ATP8A1: variants seen among roughly 807,000 people sequenced by gnomAD.
ATP8A1 encodes phospholipid-transporting ATPase IA.
ATP8A1 carries 90 observed loss-of-function variants against 177.7 expected under a neutral mutation model. The observed-to-expected ratio is 0.51, with a 90% CI of 0.43 to 0.60. ATP8A1 has a LOEUF of 0.60. Among genes scored for constraint, ATP8A1 ranks in the 20% least tolerant of loss-of-function variants. ATP8A1 has a pLI of 0.00. For missense variants in ATP8A1, 1,072 were observed against 1,392.8 expected (o/e 0.77, Z 3.67); for synonymous variants, 493 against 485.9 (o/e 1.01, Z -0.19).
At chr4:42,656,732 T>C (rs114952463) in intron 1 of ATP8A1, 93 bp downstream of exon 1, 16 of 1,325,788 alleles carry the variant, frequency 1.2e-5, no homozygotes, top group Admixed American at 8.0e-5. Context: ...GGGGAAGAGG[T>C]AGGATGCGGT....
rs12503784 is a variant in ATP8A1, at chr4:42,657,011, T to A, written c.-138A>T. The A allele has an allele frequency of 1.2e-4, 113 of 906,496 alleles. No homozygotes were observed. In the South Asian group the frequency reaches 2.2e-3, roughly 18 times the overall value. 56.2% of individuals were successfully genotyped at this position (906,496 alleles called of 1,614,324 possible). Reference sequence around the variant, plus strand: ...CGCCGCCGCCCACCTAGGGCAGAGCTGCCGCCGGGCGCGGCCCCCGCACGC... The same window carrying A: ...CGCCGCCGCCCACCTAGGGCAGAGCAGCCGCCGGGCGCGGCCCCCGCACGC... On this transcript the variant is annotated 5_prime_UTR_variant, in exon 1 of 37. Coordinates refer to ENST00000381668, the MANE Select transcript of ATP8A1 (RefSeq NM_006095.2).
intron 20 of ATP8A1, among the ~76,000 whole-genome samples, chr4:42,532,570 A>G (rs1459302537): frequency 2.0e-5 from 3 of 152,188 alleles, no homozygotes; most frequent in Non-Finnish European, 4.4e-5. Flanking sequence ...TAAAATGACC[A>G]TATTGCCCAA....
chr4:42,511,885 A>G (rs1725041509), intron 22 of ATP8A1, among the ~76,000 whole-genome samples: 1 of 152,198 alleles, frequency 6.6e-6, no homozygotes, highest in African/African-American at 2.4e-5. Context: ...ACTCGTATCA[A>G]CCTAGGCTTC....
Position 42,485,500 on chromosome 4 carries a change from A to G in ATP8A1, c.2320T>C (p.Cys774Arg). The G allele has an allele frequency of 5.0e-6, 8 of 1,608,714 alleles. No homozygotes were observed. The highest frequency in any genetic ancestry group is 6.8e-6 in the Non-Finnish European group (8 of 1,177,804). ...LALSCKAVIC[C>R]RVSPLQKSEV... ...ACAATGATAAGGAGAACTTACCGAC[A>G]GCAAATGACAGCTTTGCATGACAAA... is the stretch of plus-strand genomic sequence containing the variant. The change falls in exon 25 of 37, where the codon TGT becomes CGT. Residue 774 changes from cysteine to arginine, a missense_variant. Around this residue, in one of 5 missense-constraint regions of ATP8A1, gnomAD observed 4 missense variants for 17.2 expected, o/e 0.23. Coordinates refer to ENST00000381668, the MANE Select transcript of ATP8A1 (RefSeq NM_006095.2).
intron 14 of ATP8A1, among the ~76,000 whole-genome samples, 160 bp downstream of exon 14, chr4:42,574,459 C>G (rs1043958877): frequency 2.6e-5 from 4 of 152,100 alleles, no homozygotes; most frequent in Non-Finnish European, 4.4e-5. Flanking sequence ...AAACTAGAAA[C>G]GCGAAATATA....
chr4:42,519,195 C>T (rs1435624987), intron 22 of ATP8A1, among the ~76,000 whole-genome samples: 3 of 152,004 alleles, frequency 2.0e-5, no homozygotes, highest in Admixed American at 6.6e-5. Context: ...TCAGGCAATT[C>T]TCCCTGCCTT....
intron 1 of ATP8A1, among the ~76,000 whole-genome samples, chr4:42,654,898 T>TAGGAAAGGTAGGACTATATTTC (rs1741469098): frequency 1.3e-5 from 2 of 152,012 alleles, no homozygotes; most frequent in African/African-American, 4.8e-5. Flanking sequence ...GACTATATTT[T>TAGGAAAGGTAGGACTATATTTC]TTAGGAAAGA....
intron 27 of ATP8A1, among the ~76,000 whole-genome samples, chr4:42,458,708 C>T (rs775476929): frequency 5.3e-5 from 8 of 152,200 alleles, no homozygotes; most frequent in Non-Finnish European, 7.3e-5. Flanking sequence ...ATCTATAAAA[C>T]ACATAGTGTT....
intron 12 of ATP8A1, among the ~76,000 whole-genome samples, 186 bp from the exon 13 acceptor site, chr4:42,575,885 A>C (rs1017462408): frequency 6.6e-6 from 1 of 152,190 alleles, no homozygotes; most frequent in African/African-American, 2.4e-5. Context: ...TTCAATACAG[A>C]CTACTATATT....
At chr4:42,547,408 T>G (rs1729037495) in intron 19 of ATP8A1, among the ~76,000 whole-genome samples, 1 of 152,228 alleles carries the variant, frequency 6.6e-6, no homozygotes, top group Admixed American at 6.5e-5. Flanking sequence ...CAGCATCATA[T>G]TCACTTTTCT....
chr4:42,422,956 A>G, intron 34 of ATP8A1, 57 bp from the exon 35 acceptor site: 2 of 1,361,610 alleles, frequency 1.5e-6, no homozygotes, highest in South Asian at 1.2e-5. Context: ...AGATTTTACA[A>G]AACTAGATGT....
At chr4:42,479,711 T>C (rs1721456533) in intron 25 of ATP8A1, among the ~76,000 whole-genome samples, 1 of 152,136 alleles carries the variant, frequency 6.6e-6, no homozygotes, top group African/African-American at 2.4e-5. Context: ...TCATCAAGAA[T>C]TTGGATGTGG....
intron 5 of ATP8A1, among the ~76,000 whole-genome samples, chr4:42,601,173 C>A (rs929725279): frequency 2.0e-5 from 3 of 151,196 alleles, no homozygotes; most frequent in African/African-American, 7.3e-5. Flanking sequence ...GTAGCTGGGA[C>A]TACAGGCATG....
At chr4:42,441,097 TG>T (rs1489268666) in intron 33 of ATP8A1, among the ~76,000 whole-genome samples, 1 of 152,174 alleles carries the variant, frequency 6.6e-6, no homozygotes, top group African/African-American at 2.4e-5. Flanking sequence ...GGGGCTGCTC[TG>T]GGCCGTGTTT....
intron 16 of ATP8A1, among the ~76,000 whole-genome samples, chr4:42,555,139 A>ATCTAATCTATCTATCT (rs1553903246): frequency 5.4e-4 from 32 of 59,504 alleles, no homozygotes; most frequent in East Asian, 1.7e-3. Flanking sequence ...CTATCTATCT[A>ATCTAATCTATCTATCT]ATCTATCTAT....
intron 20 of ATP8A1, among the ~76,000 whole-genome samples, chr4:42,533,648 A>G (rs1017102498): frequency 1.3e-5 from 2 of 152,110 alleles, no homozygotes; most frequent in African/African-American, 4.8e-5. Context: ...GCAAGCTTGC[A>G]TCCTCCCTAT....
chr4:42,620,620 CT>C (rs1287503109), intron 4 of ATP8A1, among the ~76,000 whole-genome samples: 2 of 152,158 alleles, frequency 1.3e-5, no homozygotes, highest in Admixed American at 1.3e-4. Context: ...GCCAAAATGC[CT>C]TGTTTGGATT....
intron 27 of ATP8A1, chr4:42,459,596 A>ATAAT (rs970775621): frequency 4.0e-6 from 1 of 249,898 alleles, no homozygotes; most frequent in Non-Finnish European, 8.1e-6. Flanking sequence ...GAATAGAAAA[A>ATAAT]TAATTACTTT....
At chr4:42,446,080 C>CAAAAAAAAAAAAAAAAA (rs11311245) in intron 31 of ATP8A1, among the ~76,000 whole-genome samples, 3 of 63,922 alleles carry the variant, frequency 4.7e-5, no homozygotes, top group East Asian at 1.0e-3. Context: ...AACGCCCTCT[C>CAAAAAAAAAAAAAAAAA]AAAAAAAAAA....
Sources: gnomAD v4.1 joint callset for allele counts (sites outside exome capture counted in the v4.1 genomes callset) on GRCh38, gnomAD v4.1.1 for gene constraint, gnomAD v4.1.1 regional missense constraint, MANE v1.5 for transcripts, NCBI Gene and HGNC (gene_info 2026-07-23, HGNC 2026-07-21) for gene names.